NFYC: variants seen among roughly 807,000 people sequenced by gnomAD.
The protein encoded by NFYC is nuclear transcription factor Y subunit gamma.
NFYC carries 25 observed loss-of-function variants against 53.1 expected under a neutral mutation model. That is an observed-to-expected ratio of 0.47 (90% CI 0.34 to 0.66). The LOEUF (loss-of-function observed/expected upper bound fraction) is 0.66. Ranked by LOEUF, NFYC falls within the 30% of genes least tolerant of loss-of-function variation. The pLI is 0.01. For synonymous variants in NFYC, 145 were observed against 152.6 expected (o/e 0.95, Z 0.37); for missense variants, 260 against 422.7 (o/e 0.62, Z 3.38).
chr1:40,730,708 G>T (rs949354173), intron 1 of NFYC: 2 of 408,592 alleles, frequency 4.9e-6, no homozygotes, highest in Non-Finnish European at 6.6e-6. Flanking sequence ...GCTGCAAGTC[G>T]GTTTGGGGAA....
intron 1 of NFYC, among the ~76,000 whole-genome samples, chr1:40,695,061 G>T (rs1293685963): frequency 6.6e-6 from 1 of 151,988 alleles, no homozygotes; most frequent in Non-Finnish European, 1.5e-5. Flanking sequence ...GACCAGCCTC[G>T]CACACATGAT....
At chr1:40,732,077 C>T (rs1200265489) in intron 1 of NFYC, among the ~76,000 whole-genome samples, 1 of 152,166 alleles carries the variant, frequency 6.6e-6, no homozygotes, top group Non-Finnish European at 1.5e-5. Flanking sequence ...TTCATTTTAG[C>T]GGAGCTTCCT....
intron 1 of NFYC, among the ~76,000 whole-genome samples, chr1:40,704,518 A>G (rs1643599669): frequency 6.6e-6 from 1 of 152,190 alleles, no homozygotes; most frequent in Admixed American, 6.5e-5. Flanking sequence ...AGAGAAAGCT[A>G]TAGTAAGAGT....
rs554979141 is a variant in NFYC, at chr1:40,695,997, C to T, written c.-9+4130C>T. On this transcript the variant is annotated intron_variant, in intron 1 of 9. Transcript: ENST00000447388. ...CTCACAGCCAGTAAGTAGCAGAGCC[C>T]AGATTCAGACACGGATTTGTAATTC... is the stretch of plus-strand genomic sequence containing the variant. 1.2e-4 allele frequency among the ~76,000 whole-genome samples: 18 copies of T among 150,830 alleles called. No individual in the cohort carries two copies. The East Asian group carries it at 3.5e-3, about 29-fold the overall frequency.
chr1:40,747,404 C>A, intron 2 of NFYC, 130 bp from the exon 3 acceptor site: 1 of 609,112 alleles, frequency 1.6e-6, no homozygotes, highest in Non-Finnish European at 2.9e-6. Flanking sequence ...TTCATTTCAT[C>A]TGTACCTTCT....
chr1:40,712,582 T>G (rs1381410412), intron 1 of NFYC: 1 of 151,804 alleles, frequency 6.6e-6, no homozygotes, highest in Non-Finnish European at 1.5e-5. Flanking sequence ...GCTTTGTGAT[T>G]ATCCTGTCAA....
intron 1 of NFYC, chr1:40,712,487 C>G (rs1385952964): frequency 1.3e-5 from 2 of 151,896 alleles, no homozygotes; most frequent in Non-Finnish European, 1.5e-5. Flanking sequence ...GTAATGGTTG[C>G]AGATGTTTAC....
intron 3 of NFYC, among the ~76,000 whole-genome samples, chr1:40,748,364 C>A (rs1025258273): frequency 1.3e-5 from 2 of 152,018 alleles, no homozygotes; most frequent in Admixed American, 1.3e-4. Context: ...GTCACGAACT[C>A]CTGGGCTCAA....
Position 40,770,685 on chromosome 1 carries a change from C to A in NFYC, c.889-24C>A, listed in dbSNP as rs1251366830. 4 of 1,613,988 alleles carry A rather than the reference C, an allele frequency of 2.5e-6. No individual in the cohort carries two copies. The highest frequency in any genetic ancestry group is 3.4e-6 in the Non-Finnish European group (4 of 1,180,020). On this transcript the variant is annotated intron_variant, in intron 9 of 9. Coordinates refer to ENST00000447388, the MANE Select transcript of NFYC (RefSeq NM_014223.5). The surrounding 1 kb of genome is among the most constrained non-coding windows in gnomAD (Gnocchi z 5.3). ...TGCCCCTCTCCCAGGGATGACCTCA[C>A]TCTCTCCTCTCCACCCCTCGCAGCA... is the stretch of plus-strand genomic sequence containing the variant.
At chr1:40,737,901 C>CTTTTTTTTTTTTTTTTTTTTTT (rs530348029) in intron 1 of NFYC, among the ~76,000 whole-genome samples, 2 of 123,162 alleles carry the variant, frequency 1.6e-5, no homozygotes, top group African/African-American at 6.3e-5. Context: ...TGCTCTCTCT[C>CTTTTTTTTTTTTTTTTTTTTTT]TTTTTTTTTT....
chr1:40,750,190 C>T (rs555504116), intron 4 of NFYC, among the ~76,000 whole-genome samples: 34 of 151,882 alleles, frequency 2.2e-4, no homozygotes, highest in African/African-American at 8.0e-4. Flanking sequence ...AGCGAATTCA[C>T]ATTCATACTG....
intron 7 of NFYC, chr1:40,766,381 G>A (rs1445976549): frequency 2.0e-6 from 1 of 497,960 alleles, no homozygotes; most frequent in Non-Finnish European, 3.6e-6. Flanking sequence ...GTCCATTCAG[G>A]GAATATATTC....
Position 40,766,526 on chromosome 1 carries a change from C to A in NFYC, c.721-70C>A. 6 of 1,158,436 alleles carry A rather than the reference C, an allele frequency of 5.2e-6. No individual in the cohort carries two copies. In the South Asian group the frequency reaches 5.9e-5, roughly 11 times the overall value. 71.8% of individuals were successfully genotyped at this position (1,158,436 alleles called of 1,614,324 possible). On this transcript the variant is annotated intron_variant, in intron 7 of 9. Transcript: ENST00000447388. ...GTAGGGGGCAATCAACATCTCTGGT[C>A]ATGGAAAGTTTGCCTGTTTGAGATT...
At chr1:40,692,396 C>G (rs1424943877) in intron 1 of NFYC, 1 of 152,814 alleles carries the variant, frequency 6.5e-6, no homozygotes, top group East Asian at 1.9e-4. Context: ...GGGACACTCA[C>G]TTTCAGAGGT....
intron 1 of NFYC, among the ~76,000 whole-genome samples, chr1:40,703,016 C>A (rs1643515914): frequency 6.6e-6 from 1 of 151,990 alleles, no homozygotes; most frequent in African/African-American, 2.4e-5. Flanking sequence ...GGGGTTTCCC[C>A]ATGTTGGCCA....
chr1:40,725,692 A>G (rs986476353), intron 1 of NFYC, among the ~76,000 whole-genome samples: 4 of 152,174 alleles, frequency 2.6e-5, no homozygotes, highest in African/African-American at 9.7e-5. Context: ...AAAATATAAC[A>G]TCTTACAAAC....
chr1:40,712,901 T>C (rs1053536041), intron 1 of NFYC: 2 of 152,058 alleles, frequency 1.3e-5, no homozygotes, highest in African/African-American at 4.8e-5. Context: ...GGGGTCTTGA[T>C]TTGTTGCCCA....
intron 2 of NFYC, among the ~76,000 whole-genome samples, chr1:40,741,591 ATCTTTTT>A (rs774574178): frequency 1.0e-4 from 15 of 148,690 alleles, no homozygotes; most frequent in Non-Finnish European, 1.8e-4. Flanking sequence ...TTCCTTTTTT[ATCTTTTT>A]TCTTTTTTTT....
intron 1 of NFYC, among the ~76,000 whole-genome samples, chr1:40,694,689 TCAACATTGGTGAC>T (rs1411053765): frequency 6.6e-6 from 1 of 152,046 alleles, no homozygotes; most frequent in Admixed American, 6.6e-5. Context: ...AACCTGCCCT[TCAACATTGGTGAC>T]CACCTTCATT....
Sources: allele counts gnomAD v4.1 joint callset (sites outside exome capture counted in the v4.1 genomes callset), GRCh38; gene constraint gnomAD v4.1.1; non-coding constraint Gnocchi (gnomAD v3.1); transcripts MANE v1.5; gene names NCBI Gene and HGNC (gene_info 2026-07-23, HGNC 2026-07-21).